MAML3: variants seen among roughly 807,000 people sequenced by gnomAD.
MAML3 encodes mastermind-like protein 3.
In MAML3, 27 loss-of-function variants were observed where a neutral mutation model predicts 101.9. That is an observed-to-expected ratio of 0.27 (90% confidence interval 0.20 to 0.37). The LOEUF (loss-of-function observed/expected upper bound fraction) is 0.37. Among genes scored for constraint, MAML3 ranks in the 10% least tolerant of loss-of-function variants. MAML3 has a pLI of 1.00. For synonymous variants in MAML3, 501 were observed against 555.9 expected (o/e 0.90, Z 1.39); for missense variants, 1,316 against 1,444.9 (o/e 0.91, Z 1.45).
chr4:139,848,269 A>G (rs1397664519), intron 2 of MAML3, among the ~76,000 whole-genome samples: 1 of 152,258 alleles, frequency 6.6e-6, no homozygotes, highest in Non-Finnish European at 1.5e-5. Flanking sequence ...AAATGACAGC[A>G]TCGACGGCTG....
chr4:140,149,409 T>A (rs1049687488), intron 1 of MAML3, among the ~76,000 whole-genome samples: 2 of 152,100 alleles, frequency 1.3e-5, no homozygotes, highest in South Asian at 4.1e-4. Context: ...CAAGGAAAAT[T>A]TTTTACCCCT....
chr4:140,002,120 A>C (rs1442439054), intron 1 of MAML3, among the ~76,000 whole-genome samples: 3 of 152,166 alleles, frequency 2.0e-5, no homozygotes. Flanking sequence ...ATTGTTAACT[A>C]TAGTCACCAC....
chr4:139,973,426 A>G (rs1457529515), intron 1 of MAML3, among the ~76,000 whole-genome samples: 1 of 152,176 alleles, frequency 6.6e-6, no homozygotes, highest in African/African-American at 2.4e-5. Context: ...GAAGATTAAA[A>G]CACTGGAAAG....
At chr4:140,091,557 A>C (rs1218724424) in intron 1 of MAML3, among the ~76,000 whole-genome samples, 1 of 150,682 alleles carries the variant, frequency 6.6e-6, no homozygotes, top group Non-Finnish European at 1.5e-5. Flanking sequence ...ACAAAAAAAA[A>C]AAACAGGACC....
At chr4:140,059,721 A>G (rs980102822) in intron 1 of MAML3, among the ~76,000 whole-genome samples, 1 of 152,214 alleles carries the variant, frequency 6.6e-6, no homozygotes, top group Non-Finnish European at 1.5e-5. Flanking sequence ...AAACTGACCT[A>G]TATAATTTTA....
intron 1 of MAML3, among the ~76,000 whole-genome samples, chr4:140,149,271 T>C (rs1459740757): frequency 1.3e-5 from 2 of 152,190 alleles, no homozygotes; most frequent in Non-Finnish European, 1.5e-5. Flanking sequence ...ATCATTTGAC[T>C]ACATGTTCAG....
At chr4:139,904,877 T>C (rs1039568995) in intron 1 of MAML3, among the ~76,000 whole-genome samples, 1 of 152,232 alleles carries the variant, frequency 6.6e-6, no homozygotes, top group African/African-American at 2.4e-5. Context: ...ACAATGGTAA[T>C]TGGTTGTGTA....
At chr4:139,838,952 ATCT>A (rs936159303) in intron 2 of MAML3, among the ~76,000 whole-genome samples, 6 of 152,118 alleles carry the variant, frequency 3.9e-5, no homozygotes, top group African/African-American at 1.2e-4. Context: ...GATTTCTGAG[ATCT>A]TCTCTTCTGA....
intron 3 of MAML3, 46 bp from the exon 4 acceptor site, chr4:139,725,881 C>A (rs756137721): frequency 2.0e-6 from 3 of 1,481,374 alleles, no homozygotes; most frequent in Non-Finnish European, 2.8e-6. Flanking sequence ...AGATAGGGAG[C>A]AAGCACACAA....
intron 1 of MAML3, among the ~76,000 whole-genome samples, chr4:140,083,669 C>T (rs1346727965): frequency 6.6e-6 from 1 of 152,136 alleles, no homozygotes; most frequent in Non-Finnish European, 1.5e-5. Flanking sequence ...TTTAGTTTTA[C>T]CTCTCAGTCT....
At chr4:139,870,025 T>C (rs140528403) in intron 2 of MAML3, among the ~76,000 whole-genome samples, 2 of 152,344 alleles carry the variant, frequency 1.3e-5, no homozygotes, top group African/African-American at 4.8e-5. Flanking sequence ...TACTTAACTT[T>C]ACATGTCTGA....
intron 1 of MAML3, among the ~76,000 whole-genome samples, chr4:139,973,942 C>T (rs1002238393): frequency 6.6e-6 from 1 of 152,210 alleles, no homozygotes; most frequent in African/African-American, 2.4e-5. Context: ...ACTACATTCA[C>T]AGGCAAATCC....
chr4:139,771,803 G>T (rs935016960), intron 2 of MAML3, among the ~76,000 whole-genome samples: 1 of 152,030 alleles, frequency 6.6e-6, no homozygotes, highest in Non-Finnish European at 1.5e-5. Flanking sequence ...GCTTTCGGGG[G>T]CCCATCCCAG....
chr4:139,801,114 G>T (rs547137851), intron 2 of MAML3, among the ~76,000 whole-genome samples: 2 of 152,158 alleles, frequency 1.3e-5, no homozygotes, highest in African/African-American at 2.4e-5. Context: ...GCTCCCTATG[G>T]GATGTGCCAG....
chr4:140,015,817 GT>G (rs1249290790), intron 1 of MAML3, among the ~76,000 whole-genome samples: 1 of 152,124 alleles, frequency 6.6e-6, no homozygotes, highest in Non-Finnish European at 1.5e-5. Flanking sequence ...GCCACATGTG[GT>G]GGCACACGCT....
At chr4:139,952,302 G>A (rs1003762788) in intron 1 of MAML3, among the ~76,000 whole-genome samples, 8 of 152,258 alleles carry the variant, frequency 5.3e-5, no homozygotes, top group African/African-American at 1.4e-4. Context: ...TATTTAGTTC[G>A]AGGTGGTTCA....
intron 1 of MAML3, among the ~76,000 whole-genome samples, chr4:139,944,902 G>A (rs931904359): frequency 2.7e-5 from 4 of 148,382 alleles, no homozygotes; most frequent in Non-Finnish European, 5.9e-5. Context: ...GATTCCTCAG[G>A]GATCTAGAAC....
intron 2 of MAML3, among the ~76,000 whole-genome samples, chr4:139,811,969 A>G (rs899510964): frequency 6.6e-6 from 1 of 152,192 alleles, no homozygotes; most frequent in African/African-American, 2.4e-5. Context: ...TATGTTAATA[A>G]TCTTAAAGAG....
At chr4:139,784,751 G>A (rs558213153) in intron 2 of MAML3, among the ~76,000 whole-genome samples, 1 of 152,134 alleles carries the variant, frequency 6.6e-6, no homozygotes, top group Non-Finnish European at 1.5e-5. Flanking sequence ...TTTGCTATGC[G>A]CTACGCCTTG....
Sources: allele counts gnomAD v4.1 joint callset (sites outside exome capture counted in the v4.1 genomes callset), GRCh38; gene constraint gnomAD v4.1.1; transcripts MANE v1.5; gene names NCBI Gene and HGNC (gene_info 2026-07-23, HGNC 2026-07-21).